Variants in PHF24 observed in about 807,000 individuals in gnomAD.
PHF24 encodes the protein Galpha inhibitory interacting protein.
PHF24 carries 25 observed loss-of-function variants against 42.6 expected under a neutral mutation model. The ratio of observed to expected loss-of-function variants is 0.59; its 90% CI spans 0.43 to 0.82. The LOEUF (loss-of-function observed/expected upper bound fraction) is 0.82. Among genes scored for constraint, PHF24 ranks in the 40% least tolerant of loss-of-function variants. PHF24 has a pLI of 0.00. For missense variants in PHF24, 470 were observed against 538.1 expected, an observed-to-expected ratio of 0.87 and a Z score of 1.25; for synonymous variants, 185 against 204.8, an observed-to-expected ratio of 0.90 and a Z score of 0.83.
chr9:34,882,187 AAATT>A, the PHF24 span, among the ~76,000 whole-genome samples: 4 of 152,118 alleles, frequency 2.6e-5, no homozygotes, highest in African/African-American at 9.7e-5. Context: ...AACTCTCAAT[AAATT>A]AGGTATTGAT....
At chr9:34,770,717 G>A in the PHF24 span, among the ~76,000 whole-genome samples, 3 of 151,868 alleles carry the variant, frequency 2.0e-5, no homozygotes, top group African/African-American at 2.4e-5. Flanking sequence ...TATGGGTTAG[G>A]TGGAGAAAGG....
the PHF24 span, among the ~76,000 whole-genome samples, chr9:34,680,072 C>T: frequency 6.6e-6 from 1 of 152,052 alleles, no homozygotes; most frequent in African/African-American, 2.4e-5. Flanking sequence ...ATTTATTTTA[C>T]AGCAATAGAA....
At chr9:34,763,015 T>C in the PHF24 span, among the ~76,000 whole-genome samples, 9 of 152,246 alleles carry the variant, frequency 5.9e-5, no homozygotes, top group Admixed American at 2.0e-4. Context: ...TGTAGATATG[T>C]GGCATTATTT....
exon 8 of PHF24, chr9:34,980,243 C>T (rs187297008): frequency 1.6e-4 from 24 of 152,374 alleles, no homozygotes; most frequent in African/African-American, 5.8e-4. Flanking sequence ...CTGCCTCTAG[C>T]TCTCCACGGG....
chr9:34,977,730 CA>C, intron 7 of PHF24, 89 bp downstream of exon 7: 3 of 1,154,412 alleles, frequency 2.6e-6, no homozygotes, highest in Non-Finnish European at 3.8e-6. Flanking sequence ...ACTCCCACTC[CA>C]AAACAGCAAG....
chr9:34,946,520 G>A, the PHF24 span, among the ~76,000 whole-genome samples: 1 of 152,136 alleles, frequency 6.6e-6, no homozygotes, highest in Non-Finnish European at 1.5e-5. Context: ...CACAATTTTA[G>A]ATTAATCTAA....
the PHF24 span, among the ~76,000 whole-genome samples, chr9:34,821,109 A>T: frequency 1.4e-4 from 21 of 151,768 alleles, no homozygotes; most frequent in African/African-American, 4.1e-4. Context: ...GGTCTTACTT[A>T]AAAAAAAATC....
chr9:34,930,996 G>A, the PHF24 span, among the ~76,000 whole-genome samples: 7,595 of 152,220 alleles, frequency 0.05, 254 homozygotes, highest in Non-Finnish European at 0.071. Context: ...TCATGAATGG[G>A]TTAGCACCAT....
the PHF24 span, among the ~76,000 whole-genome samples, chr9:34,891,110 G>C: frequency 6.6e-6 from 1 of 152,188 alleles, no homozygotes; most frequent in Non-Finnish European, 1.5e-5. Flanking sequence ...TTTCTCAGTG[G>C]CTTCCTGGGA....
the PHF24 span, among the ~76,000 whole-genome samples, chr9:34,711,582 G>C: frequency 1.5e-5 from 2 of 134,156 alleles, no homozygotes; most frequent in African/African-American, 5.6e-5. Flanking sequence ...TCACTCTTTC[G>C]CCCAGGCTGG....
At chr9:34,941,553 G>T in the PHF24 span, among the ~76,000 whole-genome samples, 2 of 152,180 alleles carry the variant, frequency 1.3e-5, no homozygotes, top group Admixed American at 6.5e-5. Context: ...GTCTCAGTCT[G>T]TTCAGGCTGC....
At chr9:34,669,248 A>G in the PHF24 span, among the ~76,000 whole-genome samples, 84,835 of 151,818 alleles carry the variant, frequency 0.56, 24,089 homozygotes, top group East Asian at 0.8. Context: ...AACTTTCTAA[A>G]TTGATTGAGA....
At chr9:34,845,133 A>G in the PHF24 span, among the ~76,000 whole-genome samples, 10 of 152,160 alleles carry the variant, frequency 6.6e-5, no homozygotes, top group African/African-American at 2.4e-4. Context: ...TTATCTGAGT[A>G]TAGCTACCCT....
At chr9:34,715,888 T>C in the PHF24 span, among the ~76,000 whole-genome samples, 11 of 152,200 alleles carry the variant, frequency 7.2e-5, no homozygotes, top group African/African-American at 2.7e-4. Context: ...CCACATTCCC[T>C]TCAGTCTCAG....
the PHF24 span, among the ~76,000 whole-genome samples, chr9:34,671,545 T>C: frequency 6.6e-6 from 1 of 152,172 alleles, no homozygotes; most frequent in Non-Finnish European, 1.5e-5. Context: ...GGCTAAAACA[T>C]TGAAGGATAT....
At chr9:34,886,742 A>G in the PHF24 span, among the ~76,000 whole-genome samples, 5 of 107,834 alleles carry the variant, frequency 4.6e-5, no homozygotes, top group East Asian at 2.2e-4. Flanking sequence ...TTTTATATCT[A>G]TCTATCTATC....
At chr9:34,806,232 C>T in the PHF24 span, among the ~76,000 whole-genome samples, 1 of 152,016 alleles carries the variant, frequency 6.6e-6, no homozygotes, top group South Asian at 2.1e-4. Context: ...ATTTTAGAAT[C>T]ATCTATCGCT....
chr9:34,695,329 A>G, the PHF24 span, among the ~76,000 whole-genome samples: 1 of 152,214 alleles, frequency 6.6e-6, no homozygotes, highest in Non-Finnish European at 1.5e-5. Flanking sequence ...GGGTGCCCAG[A>G]GAGGGCATGA....
chr9:34,677,246 T>G, the PHF24 span, among the ~76,000 whole-genome samples: 1 of 152,154 alleles, frequency 6.6e-6, no homozygotes, highest in African/African-American at 2.4e-5. Flanking sequence ...AAGTCCATAT[T>G]GGATTCCTCT....
Sources: allele counts gnomAD v4.1 joint callset (sites outside exome capture counted in the v4.1 genomes callset), GRCh38; gene constraint gnomAD v4.1.1; transcripts MANE v1.5; gene names NCBI Gene and HGNC (gene_info 2026-07-23, HGNC 2026-07-21).